Variants in ZUP1 observed in about 807,000 individuals in gnomAD.
ZUP1 encodes zinc finger-containing ubiquitin peptidase 1.
ZUP1 carries 55 observed loss-of-function variants against 68.1 expected under a neutral mutation model. That is an observed-to-expected ratio of 0.81 (90% CI 0.65 to 1.01). ZUP1 has a LOEUF of 1.01. Ranked by LOEUF, ZUP1 falls within the 50% of genes least tolerant of loss-of-function variation. The pLI, the probability that ZUP1 is intolerant of heterozygous loss-of-function variation, is 0.00. For missense variants in ZUP1, 684 were observed against 674.9 expected (o/e 1.01, Z -0.15); for synonymous variants, 223 against 221.5 (o/e 1.01, Z -0.06).
rs768969151 is a variant in ZUP1 at position 116,645,922 on chromosome 6, G to A, written c.1481C>T (p.Thr494Ile). 6.2e-7 allele frequency: 1 copy of A among 1,611,996 alleles called. No individual in the cohort carries two copies. Among genetic ancestry groups the A allele is most frequent in the Admixed American group, 1.7e-5 (1 of 59,756 alleles). The change falls in exon 9 of 10, where the codon ACT (threonine) becomes ATT (isoleucine). Residue 494 changes from threonine to isoleucine, a missense_variant. Transcript: ENST00000368576. ...IYLQHQGHSR[T>I]VIGIEEKKNR... Reference sequence around the variant, plus strand: ...TTTTTTCTCTTCAATTCCAATAACAGTTCGACTGTGACCTATCAAAAGATT... The same window carrying A: ...TTTTTTCTCTTCAATTCCAATAACAATTCGACTGTGACCTATCAAAAGATT...
At chr6:116,667,333 A>T (rs1390515426) in intron 1 of ZUP1, 126 bp from the exon 2 acceptor site, 8 of 484,708 alleles carry the variant, frequency 1.7e-5, no homozygotes, top group Non-Finnish European at 2.4e-5. Context: ...CAATGTACTT[A>T]CTGTTCCTCA....
chr6:116,665,734 T>C (rs191120823), intron 2 of ZUP1, among the ~76,000 whole-genome samples: 3 of 148,972 alleles, frequency 2.0e-5, no homozygotes, highest in East Asian at 3.9e-4. Context: ...CGCAAGCCAC[T>C]AGGCCTGGCT....
intron 2 of ZUP1, among the ~76,000 whole-genome samples, chr6:116,663,883 G>T (rs1776916463): frequency 6.6e-6 from 1 of 151,952 alleles, no homozygotes; most frequent in African/African-American, 2.4e-5. Flanking sequence ...GGAGATCAAG[G>T]CTGCAGTGAG....
At chr6:116,638,613 T>G (rs1406018487) in intron 9 of ZUP1, among the ~76,000 whole-genome samples, 2 of 152,212 alleles carry the variant, frequency 1.3e-5, no homozygotes, top group Non-Finnish European at 2.9e-5. Flanking sequence ...TTGGATTAAG[T>G]TAGGTTTTCT....
chr6:116,659,021 A>C (rs1776754734), intron 3 of ZUP1, 97 bp from the exon 4 acceptor site: 1 of 1,113,232 alleles, frequency 9.0e-7, no homozygotes, highest in Non-Finnish European at 1.2e-6. Flanking sequence ...AAATGCTGTT[A>C]TTTGCCATTT....
intron 5 of ZUP1, among the ~76,000 whole-genome samples, chr6:116,654,664 T>G (rs2114260027): frequency 6.6e-6 from 1 of 152,112 alleles, no homozygotes; most frequent in South Asian, 2.1e-4. Flanking sequence ...GATATTTGGA[T>G]TTCATATAAC....
Position 116,667,064 on chromosome 6 carries a change from TTCA to T in ZUP1, c.126_128del (p.Asp42del). On this transcript the variant is annotated inframe_deletion, in exon 2 of 10. Coordinates refer to ENST00000368576, the MANE Select transcript of ZUP1 (RefSeq NM_145062.3). ...GAGCTGTTTCGATATGAAAACACAT[TTCA>T]TCATAATTCACACCTGACAACTTGC... 6.2e-7 allele frequency: 1 copy of T among 1,613,812 alleles called. No homozygotes were observed. The highest frequency in any genetic ancestry group is 1.1e-5 in the South Asian group (1 of 91,024).
At chr6:116,665,074 G>C (rs1583381435) in intron 2 of ZUP1, among the ~76,000 whole-genome samples, 1 of 151,926 alleles carries the variant, frequency 6.6e-6, no homozygotes, top group African/African-American at 2.4e-5. Context: ...ACATCTTATG[G>C]AATACAGCTG....
intron 3 of ZUP1, chr6:116,660,489 T>A (rs188865826): frequency 1.3e-3 from 503 of 378,048 alleles, no homozygotes; most frequent in Non-Finnish European, 1.8e-3. Context: ...GTTATATAGT[T>A]CACATTCATT....
intron 4 of ZUP1, 23 bp from the exon 5 acceptor site, chr6:116,656,875 A>T: frequency 6.6e-7 from 1 of 1,506,562 alleles, no homozygotes; most frequent in Non-Finnish European, 9.0e-7. Flanking sequence ...AAAATAAATG[A>T]CTTAATTTTT....
At chr6:116,647,740 A>T in intron 7 of ZUP1, 130 bp from the exon 8 acceptor site, 5 of 671,698 alleles carry the variant, frequency 7.4e-6, no homozygotes, top group Non-Finnish European at 6.4e-6. Flanking sequence ...ATAAAAGAAG[A>T]AAAGTAAATA....
intron 7 of ZUP1, 72 bp from the exon 8 acceptor site, chr6:116,647,682 C>G: frequency 4.1e-6 from 5 of 1,220,948 alleles, no homozygotes; most frequent in Non-Finnish European, 5.5e-6. Context: ...TTATCAAATA[C>G]AACAAATTCT....
At chr6:116,656,940 T>C (rs1776686772) in intron 4 of ZUP1, 88 bp from the exon 5 acceptor site, 1 of 907,774 alleles carries the variant, frequency 1.1e-6, no homozygotes, top group South Asian at 2.1e-5. Context: ...TTTGGAAACA[T>C]GTTGAAACAT....
At chr6:116,655,386 T>C (rs1326107188) in intron 5 of ZUP1, among the ~76,000 whole-genome samples, 1 of 152,170 alleles carries the variant, frequency 6.6e-6, no homozygotes. Flanking sequence ...TGTACATACA[T>C]GGTAAGAGTA....
chr6:116,650,223 A>G (rs1294935268), intron 7 of ZUP1, among the ~76,000 whole-genome samples: 1 of 152,012 alleles, frequency 6.6e-6, no homozygotes, highest in African/African-American at 2.4e-5. Flanking sequence ...AAGAGTTGAG[A>G]CCAGCCTGGC....
At position 116,664,159 on chromosome 6, in the gene ZUP1, G is replaced by C. The variant is rs151310858; in HGVS notation, c.559+2475C>G. On this transcript the variant is annotated intron_variant, in intron 2 of 9. Transcript: ENST00000368576. ...GAAAAAACAACACAAGCCTGGGCGC[G>C]GTGGCTTACGCCTGTAATCCCAGCA... Among the ~76,000 whole-genome samples, 22 of 152,256 alleles carry C rather than the reference G, an allele frequency of 1.4e-4. No individual in the cohort carries two copies. The South Asian group carries it at 4.1e-3, about 29-fold the overall frequency.
intron 9 of ZUP1, among the ~76,000 whole-genome samples, chr6:116,644,157 T>C (rs1237732789): frequency 6.6e-6 from 1 of 152,126 alleles, no homozygotes; most frequent in Admixed American, 6.5e-5. Context: ...TCACACCAGT[T>C]AGAATGTCAA....
rs748611379 is a variant in ZUP1, at chr6:116,647,435, A to C, written c.1468+24T>G. The C allele has an allele frequency of 2.0e-6, 3 of 1,491,140 alleles. No homozygotes were observed. The Admixed American group carries it at 6.1e-5, about 30-fold the overall frequency. The allele number at this position is 1,491,140 out of a possible 1,614,324, so 92.4% of individuals were successfully genotyped here. A position where few individuals can be genotyped will look rare whatever the true frequency, so the allele number is the denominator to read the frequency against. On this transcript the variant is annotated intron_variant, in intron 8 of 9. Transcript: ENST00000368576. ...TGTTATCTTATAAACAACATTGTCAAATATGAGTTATATTAATACTAACCT... is the reference window on the plus strand; with the variant it reads ...TGTTATCTTATAAACAACATTGTCACATATGAGTTATATTAATACTAACCT...
At chr6:116,645,097 A>G (rs1776248478) in intron 9 of ZUP1, among the ~76,000 whole-genome samples, 1 of 151,840 alleles carries the variant, frequency 6.6e-6, no homozygotes, top group African/African-American at 2.4e-5. Context: ...ATTAACATAC[A>G]GTAAACTGCA....
Sources: gnomAD v4.1 joint callset for allele counts (sites outside exome capture counted in the v4.1 genomes callset) on GRCh38, gnomAD v4.1.1 for gene constraint, MANE v1.5 for transcripts, NCBI Gene and HGNC (gene_info 2026-07-23, HGNC 2026-07-21) for gene names.